ENPEP: variants seen among roughly 807,000 people sequenced by gnomAD.
ENPEP encodes AP-A.
A neutral mutation model predicts 114.5 loss-of-function variants in ENPEP; 103 were observed. The ratio of observed to expected loss-of-function variants is 0.90; its 90% CI spans 0.77 to 1.06. ENPEP has a LOEUF of 1.06. Ranked by LOEUF, ENPEP falls within the 50% of genes least tolerant of loss-of-function variation. The pLI, the probability that ENPEP is intolerant of heterozygous loss-of-function variation, is 0.00. For missense variants in ENPEP, 1,196 were observed against 1,161.3 expected, an observed-to-expected ratio of 1.03 and a Z score of -0.43; for synonymous variants, 420 against 422.0, an observed-to-expected ratio of 1.00 and a Z score of 0.06.
At chr4:110,480,460 A>T (rs902550958) in intron 1 of ENPEP, among the ~76,000 whole-genome samples, 1 of 152,136 alleles carries the variant, frequency 6.6e-6, no homozygotes, top group Non-Finnish European at 1.5e-5. Flanking sequence ...GAGCTTCGTC[A>T]TATGTGACGT....
rs1727210018 is a variant in ENPEP at position 110,549,586 on chromosome 4, A to G, written c.2284A>G (p.Asn762Asp). The change falls in exon 16 of 20, where the codon AAC becomes GAC. Residue 762 changes from asparagine (N) to aspartate (D), a missense_variant. Transcript: ENST00000265162. ...ACKMGDREAL[N>D]NASSLFEQWL... ...CAAGATGGGAGACAGAGAAGCCTTG[A>G]ACAATGCTTCCTCGTTATTTGAGCA... is the stretch of plus-strand genomic sequence containing the variant. 2.5e-6 allele frequency: 4 copies of G among 1,613,696 alleles called. No individual in the cohort carries two copies. Among genetic ancestry groups the G allele is most frequent in the Non-Finnish European group, 3.4e-6 (4 of 1,179,718 alleles).
At chr4:110,546,866 T>C (rs1465310661) in intron 13 of ENPEP, among the ~76,000 whole-genome samples, 2 of 151,976 alleles carry the variant, frequency 1.3e-5, no homozygotes, top group African/African-American at 4.8e-5. Flanking sequence ...GCAAGTTCAG[T>C]TGAGTGACTA....
At chr4:110,502,771 A>C (rs1725209988) in intron 3 of ENPEP, among the ~76,000 whole-genome samples, 2 of 152,136 alleles carry the variant, frequency 1.3e-5, no homozygotes, top group Non-Finnish European at 2.9e-5. Context: ...GTGCCATATA[A>C]ATTTTAAAAT....
intron 1 of ENPEP, among the ~76,000 whole-genome samples, chr4:110,488,286 T>C (rs1724576123): frequency 6.6e-6 from 1 of 152,356 alleles, no homozygotes; most frequent in African/African-American, 2.4e-5. Context: ...CAAAAGTAAC[T>C]GTGGTTTTTG....
At chr4:110,561,323 A>G (rs1727669246) in intron 19 of ENPEP, 83 bp from the exon 20 acceptor site, 9 of 1,460,966 alleles carry the variant, frequency 6.2e-6, no homozygotes, top group Non-Finnish European at 8.5e-6. Flanking sequence ...GTAAGAAGAA[A>G]GCAAATCCAG....
chr4:110,549,998 A>G, intron 17 of ENPEP, 112 bp downstream of exon 17: 1 of 1,099,430 alleles, frequency 9.1e-7, no homozygotes, highest in Admixed American at 2.9e-5. Context: ...AAAATCCATT[A>G]AAAGTTATTT....
Position 110,548,298 on chromosome 4 carries a change from A to T in ENPEP, c.2123A>T (p.Asp708Val). Residue 708 changes from aspartate to valine, a missense_variant, in exon 14 of 20, where the codon GAT becomes GTT. Coordinates refer to ENST00000265162, the MANE Select transcript of ENPEP (RefSeq NM_001977.4). ...AVTYIISMFE[D>V]DKELYPMIEE... ...ACCTACATCATTAGCATGTTTGAAG[A>T]TGATAAAGAGCTATATCCTATGATT... 1 of 1,603,264 alleles carries T rather than the reference A, an allele frequency of 6.2e-7. No homozygotes were observed. The highest frequency in any genetic ancestry group is 8.5e-7 in the Non-Finnish European group (1 of 1,175,278).
rs774371849 is a variant in ENPEP at position 110,543,074 on chromosome 4, C to T, written c.2000+4C>T. The T allele has an allele frequency of 1.9e-5, 30 of 1,611,278 alleles. No homozygotes were observed. The highest frequency in any genetic ancestry group is 5.0e-5 in the Admixed American group (3 of 59,876). On this transcript the variant is annotated splice_donor_region_variant and intron_variant, in intron 13 of 19. Coordinates refer to ENST00000265162, the MANE Select transcript of ENPEP (RefSeq NM_001977.4). ...ATGATGCTTTTGCCTTGGCAAGGTG[C>T]GTTTTAGAATGAGACTAAATTACTT...
At chr4:110,534,080 C>T (rs1176872956) in intron 11 of ENPEP, among the ~76,000 whole-genome samples, 1 of 152,176 alleles carries the variant, frequency 6.6e-6, no homozygotes, top group East Asian at 1.9e-4. Flanking sequence ...ACATCTTCAG[C>T]TCTCAGCTTA....
intron 3 of ENPEP, chr4:110,500,238 G>A (rs539171316): frequency 3.9e-5 from 6 of 152,236 alleles, no homozygotes; most frequent in African/African-American, 1.4e-4. Flanking sequence ...GAATGAAAGG[G>A]ATAACATTAA....
intron 1 of ENPEP, among the ~76,000 whole-genome samples, chr4:110,482,565 GTA>G (rs1021563953): frequency 8.4e-4 from 128 of 152,304 alleles, no homozygotes; most frequent in African/African-American, 2.8e-3. Context: ...GTGTGTGTGT[GTA>G]ATGTATTCTT....
intron 2 of ENPEP, among the ~76,000 whole-genome samples, chr4:110,488,932 T>C (rs1048491373): frequency 5.3e-5 from 8 of 152,166 alleles, no homozygotes; most frequent in African/African-American, 1.9e-4. Flanking sequence ...GACACACACA[T>C]CAGCTTGGGC....
Position 110,549,388 on chromosome 4 carries a change from G to A in ENPEP, c.2194G>A (p.Gly732Arg), listed in dbSNP as rs752992010. Reference sequence around the variant, plus strand: ...AGTGAAGCCTATTGCAGATTCTCTGGGATGGAATGATGCTGGAGACCATGT... The same window carrying A: ...AGTGAAGCCTATTGCAGATTCTCTGAGATGGAATGATGCTGGAGACCATGT... ...GQVKPIADSL[G>R]WNDAGDHVTK... The change falls in exon 15 of 20, where the codon GGA becomes AGA. Residue 732 changes from glycine to arginine, a missense_variant. By Grantham distance (125) the Gly-to-Arg change is moderately radical. Transcript: ENST00000265162. 1 of 1,613,234 alleles carries A rather than the reference G, an allele frequency of 6.2e-7. No individual in the cohort carries two copies. The highest frequency in any genetic ancestry group is 8.5e-7 in the Non-Finnish European group (1 of 1,179,498).
intron 8 of ENPEP, 105 bp downstream of exon 8, chr4:110,515,547 C>A: frequency 1.1e-6 from 1 of 921,552 alleles, no homozygotes; most frequent in Non-Finnish European, 1.7e-6. Flanking sequence ...TTTTTAATCT[C>A]TTTACTGAGG....
intron 3 of ENPEP, among the ~76,000 whole-genome samples, 190 bp downstream of exon 3, chr4:110,491,354 C>T (rs1724705974): frequency 6.6e-6 from 1 of 150,694 alleles, no homozygotes; most frequent in South Asian, 2.1e-4. Flanking sequence ...AATAAACCAA[C>T]ACAACAGACA....
intron 1 of ENPEP, among the ~76,000 whole-genome samples, chr4:110,477,680 T>C (rs1039996024): frequency 6.6e-5 from 10 of 152,188 alleles, no homozygotes; most frequent in Non-Finnish European, 1.3e-4. Context: ...TCAGGAAATA[T>C]TCATTGAGTC....
At chr4:110,515,560 T>C (rs955633204) in intron 8 of ENPEP, 118 bp downstream of exon 8, 2 of 782,192 alleles carry the variant, frequency 2.6e-6, no homozygotes, top group East Asian at 5.1e-5. Flanking sequence ...TACTGAGGCA[T>C]AGATAATATA....
intron 8 of ENPEP, among the ~76,000 whole-genome samples, chr4:110,517,470 TA>T (rs1425776105): frequency 2.0e-5 from 3 of 152,220 alleles, no homozygotes; most frequent in Non-Finnish European, 2.9e-5. Flanking sequence ...TTGTAATTAA[TA>T]AATAACAATT....
chr4:110,543,198 C>T, intron 13 of ENPEP, 128 bp downstream of exon 13: 3 of 895,156 alleles, frequency 3.4e-6, no homozygotes, highest in Non-Finnish European at 5.2e-6. Flanking sequence ...CTATTTAAAA[C>T]ATTATTGTTT....
Sources: allele counts gnomAD v4.1 joint callset (sites outside exome capture counted in the v4.1 genomes callset), GRCh38; gene constraint gnomAD v4.1.1; transcripts MANE v1.5; gene names NCBI Gene and HGNC (gene_info 2026-07-23, HGNC 2026-07-21).